The following ADARB2 variants were observed in gnomAD, a reference collection of about 807,000 sequenced individuals.
ADARB2 encodes inactive double-stranded RNA-specific editase B2.
Under a neutral mutation model 62.2 loss-of-function variants are expected in ADARB2, and 25 were observed. That is an observed-to-expected ratio of 0.40 (90% CI 0.29 to 0.56). The LOEUF is 0.56. Ranked by LOEUF, ADARB2 falls within the 20% of genes least tolerant of loss-of-function variation. ADARB2 has a pLI of 0.43. For synonymous variants in ADARB2, 572 were observed against 500.8 expected (o/e 1.14, Z -1.90); for missense variants, 1,071 against 1,077.4 (o/e 0.99, Z 0.08).
chr10:1,420,828 A>G (rs1832846157), intron 1 of ADARB2, among the ~76,000 whole-genome samples: 1 of 152,190 alleles, frequency 6.6e-6, no homozygotes. Flanking sequence ...CCGTCCTGAA[A>G]GAAGCAGTGC....
chr10:1,612,838 A>G (rs1208601032), intron 1 of ADARB2, among the ~76,000 whole-genome samples: 3 of 152,254 alleles, frequency 2.0e-5, no homozygotes, highest in African/African-American at 7.2e-5. Context: ...CTTGCTCTGC[A>G]AAACCTAAGC....
At chr10:1,333,783 T>C (rs1222908440) in intron 3 of ADARB2, among the ~76,000 whole-genome samples, 1 of 152,160 alleles carries the variant, frequency 6.6e-6, no homozygotes, top group East Asian at 1.9e-4. Context: ...TGAGGTGGGA[T>C]TGCCTGTGCC....
At chr10:1,425,212 G>A (rs1832884520) in intron 1 of ADARB2, among the ~76,000 whole-genome samples, 2 of 152,292 alleles carry the variant, frequency 1.3e-5, no homozygotes, top group Admixed American at 1.3e-4. Context: ...AACAAGAATT[G>A]AGATTTCATT....
chr10:1,225,115 A>G (rs1830732619), intron 6 of ADARB2, among the ~76,000 whole-genome samples: 2 of 152,202 alleles, frequency 1.3e-5, no homozygotes, highest in Non-Finnish European at 2.9e-5. Flanking sequence ...TTGGGTGCAT[A>G]TATATTTAGG....
rs934593013 is a variant in ADARB2 at position 1,242,031 on chromosome 10, A to G, written c.1361+100T>C. 8.6e-6 allele frequency: 11 copies of G among 1,281,420 alleles called. No individual in the cohort carries two copies. In the African/African-American group the frequency reaches 1.6e-4, roughly 19 times the overall value. The allele number at this position is 1,281,420 out of a possible 1,614,324, so 79.4% of individuals were successfully genotyped here. Reference sequence around the variant, plus strand: ...TCTGGCTCACCCTGTGCCAGGATAGAGGGAAGCGTGTTCTGAGCCAGGCAT... The same window carrying G: ...TCTGGCTCACCCTGTGCCAGGATAGGGGGAAGCGTGTTCTGAGCCAGGCAT... On this transcript the variant is annotated intron_variant, in intron 5 of 9. Transcript: ENST00000381312.
intron 1 of ADARB2, among the ~76,000 whole-genome samples, chr10:1,669,263 C>CGTGTCT (rs1228163618): frequency 1.3e-5 from 2 of 152,140 alleles, no homozygotes; most frequent in Admixed American, 1.3e-4. Flanking sequence ...TGATACCACG[C>CGTGTCT]GTGTCTCCCA....
intron 1 of ADARB2, among the ~76,000 whole-genome samples, chr10:1,579,070 C>A (rs185724998): frequency 9.2e-5 from 14 of 152,296 alleles, no homozygotes; most frequent in Admixed American, 3.3e-4. Flanking sequence ...GCCCCAGGTG[C>A]CCACACTGCC....
rs571232425 is a variant in ADARB2 at position 1,366,491 on chromosome 10, G to C, written c.188-2574C>G. Among the ~76,000 whole-genome samples, 3 of 152,282 alleles carry C rather than the reference G, an allele frequency of 2.0e-5. No homozygotes were observed. The East Asian group carries it at 5.8e-4, about 29-fold the overall frequency. ...TGCCCTTGCCCCACCCTGAGGCTTG[G>C]CTCATGCAGAACCTGGACTTTGCTG... On this transcript the variant is annotated intron_variant, in intron 2 of 9. Coordinates refer to ENST00000381312, the MANE Select transcript of ADARB2 (RefSeq NM_018702.4).
chr10:1,188,832 A>T (rs1463774674), intron 8 of ADARB2, among the ~76,000 whole-genome samples: 1 of 152,208 alleles, frequency 6.6e-6, no homozygotes, highest in African/African-American at 2.4e-5. Context: ...TTTGCCGTTA[A>T]TGACTCTTTC....
chr10:1,354,321 T>G (rs2131845775), intron 3 of ADARB2, among the ~76,000 whole-genome samples: 1 of 152,286 alleles, frequency 6.6e-6, no homozygotes, highest in African/African-American at 2.4e-5. Context: ...CATTACTTTG[T>G]GAAATTCCTT....
rs888334785 is a variant in ADARB2, at chr10:1,521,957, T to C, written c.101-142797A>G. 2.0e-5 allele frequency among the ~76,000 whole-genome samples: 3 copies of C among 152,228 alleles called. No homozygotes were observed. In the East Asian group the frequency reaches 5.8e-4, roughly 29 times the overall value. ...TCAGGATCTCCTGAGGGCTGTGTCG[T>C]GGGCCGGGTCACCCATATTTGGCTC... is the stretch of plus-strand genomic sequence containing the variant. On this transcript the variant is annotated intron_variant, in intron 1 of 9. Coordinates refer to ENST00000381312, the MANE Select transcript of ADARB2 (RefSeq NM_018702.4).
chr10:1,697,192 T>G (rs1834757431), intron 1 of ADARB2, among the ~76,000 whole-genome samples: 1 of 152,140 alleles, frequency 6.6e-6, no homozygotes, highest in African/African-American at 2.4e-5. Context: ...TCTGGTTATT[T>G]GCCCACCCAC....
intron 1 of ADARB2, among the ~76,000 whole-genome samples, chr10:1,716,261 A>G (rs376556020): frequency 2.8e-4 from 43 of 152,368 alleles, no homozygotes; most frequent in South Asian, 1.9e-3. Context: ...AGGCAGAAAG[A>G]TGCTTTAGAC....
chr10:1,363,703 G>A lies in ADARB2; in HGVS notation c.402C>T (p.His134=), dbSNP rs766366626. 26 of 1,611,396 alleles carry A rather than the reference G, an allele frequency of 1.6e-5. No homozygotes were observed. The highest frequency in any genetic ancestry group is 2.0e-5 in the Non-Finnish European group (23 of 1,179,392). ...GGTACTGCAGGCCCGGCCTCAGCTC[G>A]TGCAGCTGCACCAGCGCGTTCTTGG... ...VAPKNALVQL[H]ELRPGLQYRT... Residue 134 remains histidine (H), a synonymous_variant, in exon 3 of 10, where the codon CAC becomes CAT. Transcript: ENST00000381312.
chr10:1,219,621 A>G (rs1225653807), intron 6 of ADARB2, among the ~76,000 whole-genome samples: 1 of 152,246 alleles, frequency 6.6e-6, no homozygotes, highest in Non-Finnish European at 1.5e-5. Context: ...TCTTCCCCAG[A>G]TAAAGCACAA....
At chr10:1,633,984 G>A (rs1159510906) in intron 1 of ADARB2, among the ~76,000 whole-genome samples, 4 of 152,178 alleles carry the variant, frequency 2.6e-5, no homozygotes, top group African/African-American at 4.8e-5. Flanking sequence ...AGCACAGAGG[G>A]ACACAGAGCT....
intron 3 of ADARB2, among the ~76,000 whole-genome samples, chr10:1,315,326 G>C (rs752077874): frequency 2.0e-5 from 3 of 152,216 alleles, no homozygotes; most frequent in Non-Finnish European, 2.9e-5. Context: ...GGCTTCCAAG[G>C]TTTCCGCCTT....
intron 1 of ADARB2, among the ~76,000 whole-genome samples, chr10:1,542,069 C>CA (rs1300205030): frequency 0.011 from 192 of 18,088 alleles, 69 homozygotes; most frequent in Non-Finnish European, 0.02. Flanking sequence ...ACCCCACTCA[C>CA]ACTCAGTTCA....
At chr10:1,301,364 G>A (rs142398879) in intron 3 of ADARB2, among the ~76,000 whole-genome samples, 1 of 152,334 alleles carries the variant, frequency 6.6e-6, no homozygotes, top group African/African-American at 2.4e-5. Context: ...AACAGAGGGG[G>A]ATAGCAGCCT....
Sources: gnomAD v4.1 joint callset for allele counts (sites outside exome capture counted in the v4.1 genomes callset) on GRCh38, gnomAD v4.1.1 for gene constraint, MANE v1.5 for transcripts, NCBI Gene and HGNC (gene_info 2026-07-23, HGNC 2026-07-21) for gene names.